SLC47A2: variants seen among roughly 807,000 people sequenced by gnomAD.
SLC47A2 encodes multidrug and toxin extrusion protein 2.
Under a neutral mutation model 67.7 loss-of-function variants are expected in SLC47A2, and 52 were observed. The ratio of observed to expected loss-of-function variants is 0.77; its 90% CI spans 0.61 to 0.97. SLC47A2 has a LOEUF of 0.97. Among genes scored for constraint, SLC47A2 ranks in the 50% least tolerant of loss-of-function variants. SLC47A2 has a pLI of 0.00. For synonymous variants in SLC47A2, 278 were observed against 292.9 expected, an observed-to-expected ratio of 0.95 and a Z score of 0.52; for missense variants, 676 against 712.3, an observed-to-expected ratio of 0.95 and a Z score of 0.58.
chr17:19,702,524 A>G, intron 13 of SLC47A2, 81 bp downstream of exon 13: 4 of 1,583,212 alleles, frequency 2.5e-6, no homozygotes, highest in Admixed American at 3.6e-5. Context: ...TCATCCTCAC[A>G]GCCCTGCGAG....
intron 13 of SLC47A2, among the ~76,000 whole-genome samples, chr17:19,689,172 G>A (rs2085487982): frequency 6.6e-6 from 1 of 152,056 alleles, no homozygotes; most frequent in African/African-American, 2.4e-5. Context: ...CTCCCAAAAT[G>A]CTGGGATTAC....
chr17:19,681,356 G>C lies in SLC47A2; in HGVS notation c.1392+11C>G, dbSNP rs1173756768. ...GGGTGTCTTGTGGCCAGGGTCAGCT[G>C]ACCCACTTACCTCCTCTGCAGCAAG... On this transcript the variant is annotated intron_variant, in intron 15 of 16. Coordinates refer to ENST00000433844, the MANE Select transcript of SLC47A2 (RefSeq NM_001099646.3). 5 of 1,591,626 alleles carry C rather than the reference G, an allele frequency of 3.1e-6. No individual in the cohort carries two copies. In the Admixed American group the frequency reaches 6.9e-5, roughly 22 times the overall value.
chr17:19,682,721 C>T (rs543866159), intron 13 of SLC47A2, among the ~76,000 whole-genome samples: 2 of 152,290 alleles, frequency 1.3e-5, no homozygotes, highest in Non-Finnish European at 2.9e-5. Context: ...ATGATGTGGA[C>T]GTTGAAACTT....
intron 13 of SLC47A2, among the ~76,000 whole-genome samples, chr17:19,701,407 C>T (rs986658463): frequency 6.6e-6 from 1 of 152,038 alleles, no homozygotes; most frequent in African/African-American, 2.4e-5. Context: ...ACACAGAGGC[C>T]TTTGGAAATA....
chr17:19,696,890 C>T (rs1267827109), intron 13 of SLC47A2, among the ~76,000 whole-genome samples: 1 of 152,194 alleles, frequency 6.6e-6, no homozygotes, highest in Non-Finnish European at 1.5e-5. Flanking sequence ...CTTGCTGTAT[C>T]ATCCCAATGC....
At chr17:19,688,053 T>C (rs1019777959) in intron 13 of SLC47A2, among the ~76,000 whole-genome samples, 31 of 152,224 alleles carry the variant, frequency 2.0e-4, no homozygotes, top group African/African-American at 7.5e-4. Context: ...GCCAGTATTA[T>C]CTTGATACCA....
chr17:19,708,237 C>T (rs2152355604), intron 7 of SLC47A2, 65 bp downstream of exon 7: 4 of 1,574,648 alleles, frequency 2.5e-6, no homozygotes, highest in Non-Finnish European at 3.5e-6. Context: ...GATCTGTCTC[C>T]ACCAGGGGTG....
chr17:19,708,269 C>T (rs1188826921), intron 7 of SLC47A2, 33 bp downstream of exon 7: 1 of 1,608,750 alleles, frequency 6.2e-7, no homozygotes, highest in Non-Finnish European at 8.5e-7. Flanking sequence ...GGGCAGTGTC[C>T]CCTGACCAGG....
chr17:19,714,824 C>T (rs570359685), intron 2 of SLC47A2, 35 bp from the exon 3 acceptor site: 1 of 1,613,564 alleles, frequency 6.2e-7, no homozygotes, highest in African/African-American at 1.3e-5. Context: ...AAGAGCTTGT[C>T]AGGTGAGGCC....
chr17:19,716,919 G>C (rs562507271), upstream of SLC47A2: 59 of 204,690 alleles, frequency 2.9e-4, no homozygotes, highest in Non-Finnish European at 5.1e-4. Context: ...CAGCCTGGCT[G>C]GGGCAGCTGA....
rs1269537518 is a variant in SLC47A2 at position 19,681,560 on chromosome 17, A to G, written c.1275T>C (p.Phe425=). 6.2e-7 allele frequency: 1 copy of G among 1,614,050 alleles called. No individual in the cohort carries two copies. Among genetic ancestry groups the G allele is most frequent in the East Asian group, 2.2e-5 (1 of 44,890 alleles). The change falls in exon 14 of 17, where the codon TTT becomes TTC. Residue 425 remains phenylalanine, a synonymous_variant. Coordinates refer to ENST00000433844, the MANE Select transcript of SLC47A2 (RefSeq NM_001099646.3). The part of the protein sequence containing the change: ...IGLPLGILLT[F]VVRMRIMGLW... ...TACCCATGATTCTCATTCTGACCACAAAGGTCAGAAGGATGCCCAGTGGTA... is the reference window on the plus strand; with the variant it reads ...TACCCATGATTCTCATTCTGACCACGAAGGTCAGAAGGATGCCCAGTGGTA...
At chr17:19,697,190 C>T (rs1241772681) in intron 13 of SLC47A2, among the ~76,000 whole-genome samples, 1 of 151,880 alleles carries the variant, frequency 6.6e-6, no homozygotes. Flanking sequence ...CCCAGCTACT[C>T]GGGAGGCTGA....
rs181345658 is a variant in SLC47A2, at chr17:19,711,536, C to T, written c.486+1167G>A. ...TCTGGGAGGCAGAGGTTGCAGTGAG[C>T]GGAGATCGTACCACTGCACTCCAGC... is the stretch of plus-strand genomic sequence containing the variant. On this transcript the variant is annotated intron_variant, in intron 5 of 16. Transcript: ENST00000433844. Among the ~76,000 whole-genome samples the T allele has an allele frequency of 1.5e-3, 181 of 118,480 alleles. No homozygotes were observed. In the East Asian group the frequency reaches 0.034, roughly 22 times the overall value. The allele number at this position is 118,480 out of a possible 152,430, so 77.7% of individuals were successfully genotyped here.
chr17:19,699,437 G>A (rs932799378), intron 13 of SLC47A2, among the ~76,000 whole-genome samples: 2 of 151,824 alleles, frequency 1.3e-5, no homozygotes, highest in Non-Finnish European at 2.9e-5. Context: ...CTGGAGTGCA[G>A]TGGTATAATC....
At chr17:19,710,576 C>T (rs546423756) in intron 5 of SLC47A2, among the ~76,000 whole-genome samples, 1 of 152,066 alleles carries the variant, frequency 6.6e-6, no homozygotes, top group South Asian at 2.1e-4. Context: ...ACTCAGCCTC[C>T]CGAGTAGCTG....
Position 19,708,354 on chromosome 17 carries a change from C to T in SLC47A2, c.577G>A (p.Val193Ile). 6.2e-7 allele frequency: 1 copy of T among 1,613,928 alleles called. No homozygotes were observed. Among genetic ancestry groups the T allele is most frequent in the Non-Finnish European group, 8.5e-7 (1 of 1,180,038 alleles). Reference sequence around the variant, plus strand: ...AGGGCATAGTTGGCCACACCGTTGACACAGTTGCCCACCACACCACTGAGG... The same window carrying T: ...AGGGCATAGTTGGCCACACCGTTGATACAGTTGCCCACCACACCACTGAGG... The part of the protein sequence containing the change: ...QVLSGVVGNC[V>I]NGVANYALVS... Residue 193 changes from valine to isoleucine, a missense_variant, in exon 7 of 17, where the codon GTC becomes ATC. By Grantham distance (29) the Val-to-Ile change is conservative. Coordinates refer to ENST00000433844, the MANE Select transcript of SLC47A2 (RefSeq NM_001099646.3).
chr17:19,680,866 T>G (rs559174094), intron 15 of SLC47A2, among the ~76,000 whole-genome samples: 288 of 152,264 alleles, frequency 1.9e-3, no homozygotes, highest in African/African-American at 6.2e-3. Flanking sequence ...AGAGCATGCT[T>G]CTTATACTGG....
intron 4 of SLC47A2, among the ~76,000 whole-genome samples, chr17:19,713,461 T>A (rs1190719002): frequency 6.6e-6 from 1 of 152,142 alleles, no homozygotes; most frequent in East Asian, 1.9e-4. Context: ...GTGGTTGTCA[T>A]CTTTCTCCTT....
At chr17:19,707,301 G>A (rs1597629237) in intron 8 of SLC47A2, among the ~76,000 whole-genome samples, 1 of 152,144 alleles carries the variant, frequency 6.6e-6, no homozygotes, top group East Asian at 1.9e-4. Flanking sequence ...GAAAAGGACA[G>A]GCAGGCCCCT....
Sources: allele counts gnomAD v4.1 joint callset (sites outside exome capture counted in the v4.1 genomes callset), GRCh38; gene constraint gnomAD v4.1.1; transcripts MANE v1.5; gene names NCBI Gene and HGNC (gene_info 2026-07-23, HGNC 2026-07-21).